AGBL2: variants seen among roughly 807,000 people sequenced by gnomAD.
AGBL2 encodes the protein AGBL carboxypeptidase 2, also known as cytosolic carboxypeptidase 2.
In AGBL2, 87 loss-of-function variants were observed where a neutral mutation model predicts 103.0. The observed-to-expected ratio is 0.84, with a 90% CI of 0.71 to 1.01. The LOEUF is 1.01. AGBL2 is among the 50% of genes least tolerant of loss of function. The probability of loss-of-function intolerance (pLI) is 0.00; values close to 1 mark genes in which losing one functional copy is unlikely to be tolerated. For missense variants in AGBL2, 904 were observed against 1,023.5 expected, an observed-to-expected ratio of 0.88 and a Z score of 1.59; for synonymous variants, 335 against 356.7, an observed-to-expected ratio of 0.94 and a Z score of 0.69.
Position 47,685,992 on chromosome 11 carries a change from C to G in AGBL2, c.1689G>C (p.Lys563Asn). The G allele has an allele frequency of 3.1e-6, 5 of 1,614,006 alleles. No individual in the cohort carries two copies. Among genetic ancestry groups the G allele is most frequent in the Non-Finnish European group, 4.2e-6 (5 of 1,179,950 alleles). The change falls in exon 11 of 19, where the codon AAG becomes AAC. Residue 563 changes from lysine (K) to asparagine (N), a missense_variant. Transcript: ENST00000525123. ...LYCDFHGHSR[K>N]NNIFLYGCNN... ...TACAGCCATACAGGAAGATATTATT[C>G]TTACGACTGTGGCCATGGAAATCAC...
chr11:47,660,422 G>A, intron 18 of AGBL2, 76 bp from the exon 19 acceptor site: 1 of 1,350,472 alleles, frequency 7.4e-7, no homozygotes, highest in East Asian at 2.3e-5. Context: ...GGTTGGGGTT[G>A]GCTTTACAAG....
intron 6 of AGBL2, 151 bp downstream of exon 6, chr11:47,705,370 G>T (rs2097513936): frequency 6.3e-6 from 1 of 159,518 alleles, no homozygotes; most frequent in Non-Finnish European, 1.4e-5. Context: ...GAGGGGCCAG[G>T]CGTGGTGGCT....
At position 47,660,138 on chromosome 11, in the gene AGBL2, C is replaced by CT; in HGVS notation, c.*34_*35insA. The stretch of plus-strand genomic sequence containing the variant: ...AAAATGTGTCTAATCTCAAAACCCC[C>CT]GATGAAGTGCTTGTGTGGCACAGCC... On this transcript the variant is annotated 3_prime_UTR_variant, in exon 19 of 19. Transcript: ENST00000525123. 6.4e-7 allele frequency: 1 copy of CT among 1,573,836 alleles called. No individual in the cohort carries two copies. Among genetic ancestry groups the CT allele is most frequent in the South Asian group, 1.2e-5 (1 of 85,424 alleles).
intron 7 of AGBL2, 100 bp downstream of exon 7, chr11:47,704,443 A>T: frequency 1.9e-6 from 2 of 1,046,630 alleles, no homozygotes; most frequent in Non-Finnish European, 1.4e-6. Flanking sequence ...AGATTGCGCC[A>T]TTGCACTCCA....
chr11:47,669,862 C>T (rs1266961606), intron 14 of AGBL2, among the ~76,000 whole-genome samples: 2 of 152,132 alleles, frequency 1.3e-5, no homozygotes, highest in African/African-American at 4.8e-5. Context: ...CCTCCCGCCT[C>T]GGCCTCCCAA....
In AGBL2 at chr11:47,660,252, C is replaced by T. The variant is rs750934072; in HGVS notation, c.2630G>A (p.Arg877Lys). The T allele has an allele frequency of 1.9e-6, 3 of 1,614,226 alleles. No individual in the cohort carries two copies. The highest frequency in any genetic ancestry group is 2.2e-5 in the South Asian group (2 of 91,088). ...PAPGMKPNWP[R>K]SRYPATKRGC... ...TCTCTTTGTGGCAGGATATCTGCTC[C>T]TAGGCCAGTTTGGCTTCATACCTGG... Residue 877 changes from arginine to lysine, a missense_variant, in exon 19 of 19, where the codon AGG becomes AAG. Coordinates refer to ENST00000525123, the MANE Select transcript of AGBL2 (RefSeq NM_024783.4).
chr11:47,684,045 G>A (rs985957501), intron 11 of AGBL2, among the ~76,000 whole-genome samples: 60 of 151,914 alleles, frequency 3.9e-4, no homozygotes, highest in Non-Finnish European at 3.5e-4. Context: ...AAGGTAAGGA[G>A]TTTGAGACCA....
At chr11:47,678,330 A>ATTTTT (rs869274971) in intron 13 of AGBL2, among the ~76,000 whole-genome samples, 1 of 114,376 alleles carries the variant, frequency 8.7e-6, no homozygotes, top group South Asian at 4.1e-4. Flanking sequence ...ATTTTATTTT[A>ATTTTT]TTTTATTATT....
At chr11:47,678,338 A>ATTTTTTTTTTTTTTTTTTTTTTTTTTTT (rs1196435610) in intron 13 of AGBL2, among the ~76,000 whole-genome samples, 5 of 95,312 alleles carry the variant, frequency 5.2e-5, no homozygotes, top group South Asian at 7.6e-4. Context: ...TTATTTTATT[A>ATTTTTTTTTTTTTTTTTTTTTTTTTTTT]TTTTATTTTT....
chr11:47,700,472 G>A (rs757188920), intron 7 of AGBL2, among the ~76,000 whole-genome samples: 4 of 151,878 alleles, frequency 2.6e-5, no homozygotes, highest in African/African-American at 7.3e-5. Flanking sequence ...CCAGCTACTC[G>A]GGAGGCTGAG....
intron 14 of AGBL2, among the ~76,000 whole-genome samples, chr11:47,671,529 AAAAC>A (rs58799566): frequency 0.018 from 2,688 of 150,840 alleles, 34 homozygotes; most frequent in Non-Finnish European, 0.029. Flanking sequence ...CTCCATCTCA[AAAAC>A]AAACAAACAA....
intron 9 of AGBL2, among the ~76,000 whole-genome samples, chr11:47,691,747 T>A (rs2097448083): frequency 4.5e-5 from 3 of 67,294 alleles, no homozygotes; most frequent in Non-Finnish European, 6.4e-5. Flanking sequence ...TATATATATA[T>A]ATATATATAA....
intron 4 of AGBL2, among the ~76,000 whole-genome samples, chr11:47,706,874 C>A (rs1182460816): frequency 3.9e-5 from 5 of 127,702 alleles, no homozygotes; most frequent in African/African-American, 1.6e-4. Context: ...CATGGTGAAA[C>A]CCTGTCTCTA....
Position 47,660,194 on chromosome 11 carries a change from C to T in AGBL2, c.2688G>A (p.Leu896=), listed in dbSNP as rs537747035. The T allele has an allele frequency of 1.9e-6, 3 of 1,613,940 alleles. No homozygotes were observed. Among genetic ancestry groups the T allele is most frequent in the East Asian group, 4.5e-5 (2 of 44,888 alleles). The change falls in exon 19 of 19, where the codon TTG becomes TTA. Residue 896 remains leucine, a synonymous_variant. Coordinates refer to ENST00000525123, the MANE Select transcript of AGBL2 (RefSeq NM_024783.4). The stretch of plus-strand genomic sequence containing the variant: ...TCACCTACGGGTATGTGTATATGTG[C>T]AAGGATGGGTATGCCGCCATGGCAG... The part of the protein sequence containing the change: ...GCAAMAAYPS[L]HIYTYP
In AGBL2 at chr11:47,659,965, A is replaced by G; in HGVS notation, c.*208T>C. 2 of 440,612 alleles carry G rather than the reference A, an allele frequency of 4.5e-6. No individual in the cohort carries two copies. Among genetic ancestry groups the G allele is most frequent in the Non-Finnish European group, 7.7e-6 (2 of 258,754 alleles). The allele number at this position is 440,612 out of a possible 1,614,324, so 27.3% of individuals were successfully genotyped here. A position where few individuals can be genotyped will look rare whatever the true frequency, so the allele number is the denominator to read the frequency against. ...TTTTTACACATCATAATAAAATTTC[A>G]TTTTATGAAAAAATAGTTGAATTCA... On this transcript the variant is annotated 3_prime_UTR_variant, in exon 19 of 19. Transcript: ENST00000525123.
intron 3 of AGBL2, among the ~76,000 whole-genome samples, chr11:47,712,933 T>C (rs2097539681): frequency 6.6e-6 from 1 of 151,648 alleles, no homozygotes; most frequent in South Asian, 2.1e-4. Context: ...ACCTGGGTAC[T>C]TGGGAGGCTG....
chr11:47,713,236 T>C (rs1212123646), intron 3 of AGBL2, among the ~76,000 whole-genome samples: 1 of 149,530 alleles, frequency 6.7e-6, no homozygotes, highest in Non-Finnish European at 1.5e-5. Flanking sequence ...CCCAGCTACT[T>C]GGGAGGCTGA....
At chr11:47,664,386 A>T (rs2097335636) in intron 17 of AGBL2, among the ~76,000 whole-genome samples, 1 of 150,708 alleles carries the variant, frequency 6.6e-6, no homozygotes, top group South Asian at 2.1e-4. Flanking sequence ...AGCTAGGACT[A>T]CAGGGGCAGG....
chr11:47,705,732 G>T, intron 5 of AGBL2, 98 bp from the exon 6 acceptor site: 1 of 740,456 alleles, frequency 1.4e-6, no homozygotes. Flanking sequence ...AAGGCTGAGG[G>T]TCCTTCAGTG....
Sources: allele counts gnomAD v4.1 joint callset (sites outside exome capture counted in the v4.1 genomes callset), GRCh38; gene constraint gnomAD v4.1.1; transcripts MANE v1.5; gene names NCBI Gene and HGNC (gene_info 2026-07-23, HGNC 2026-07-21).